Variants in MBD1 observed in about 807,000 individuals in gnomAD.
The protein encoded by MBD1 is methyl-CpG binding domain protein 1.
A neutral mutation model predicts 82.6 loss-of-function variants in MBD1; 25 were observed. The observed-to-expected ratio is 0.30, with a 90% confidence interval of 0.22 to 0.42. The LOEUF is 0.42. Among genes scored for constraint, MBD1 ranks in the 10% least tolerant of loss-of-function variants. MBD1 has a pLI of 1.00. For synonymous variants in MBD1, 301 were observed against 303.7 expected, an observed-to-expected ratio of 0.99 and a Z score of 0.09; for missense variants, 627 against 819.6, an observed-to-expected ratio of 0.76 and a Z score of 2.87.
In MBD1 at chr18:50,269,176, T is replaced by C. The variant is rs943629156; in HGVS notation, c.*675A>G. The stretch of plus-strand genomic sequence containing the variant: ...CACAAAAATAGCCAGGACCAGCAAG[T>C]TTTTTCTGGGTGGGCTTCATAGAAT... On this transcript the variant is annotated 3_prime_UTR_variant, in exon 17 of 17. Transcript: ENST00000269468. 4.8e-6 allele frequency: 5 copies of C among 1,036,546 alleles called. No homozygotes were observed. The highest frequency in any genetic ancestry group is 5.8e-6 in the Non-Finnish European group (5 of 861,022). The allele number at this position is 1,036,546 out of a possible 1,614,324, so 64.2% of individuals were successfully genotyped here. A position where few individuals can be genotyped will look rare whatever the true frequency, so the allele number is the denominator to read the frequency against.
chr18:50,277,544 A>C (rs1033581081), intron 2 of MBD1, among the ~76,000 whole-genome samples: 5 of 144,660 alleles, frequency 3.5e-5, no homozygotes, highest in African/African-American at 1.3e-4. Context: ...AATATAACAT[A>C]TAAATGTTAG....
downstream of MBD1, chr18:50,268,780 G>C (rs893939817): frequency 2.7e-6 from 1 of 371,530 alleles, no homozygotes; most frequent in Admixed American, 6.4e-5. Context: ...CACTATCCCA[G>C]TTTCTCAGAG....
chr18:50,280,080 A>G, intron 1 of MBD1, 63 bp from the exon 2 acceptor site: 1 of 1,492,824 alleles, frequency 6.7e-7, no homozygotes, highest in African/African-American at 1.4e-5. Flanking sequence ...ACTGTGCCCC[A>G]GGCCACACAA....
chr18:50,267,777 T>C (rs975531724), downstream of MBD1: 4 of 708,276 alleles, frequency 5.6e-6, no homozygotes, highest in East Asian at 2.7e-5. Context: ...TGACATATAA[T>C]AAGTACAACT....
chr18:50,276,240 T>C, intron 6 of MBD1, 138 bp downstream of exon 6: 1 of 915,608 alleles, frequency 1.1e-6, no homozygotes, highest in Non-Finnish European at 1.7e-6. Flanking sequence ...CCCATTATTG[T>C]GTCTGCTGAC....
intron 15 of MBD1, chr18:50,272,454 A>G (rs951942941): frequency 6.7e-6 from 4 of 599,006 alleles, no homozygotes; most frequent in Non-Finnish European, 6.0e-6. Flanking sequence ...TCTTTCCCCT[A>G]CCCCCAAAGG....
rs1351413176 is a variant in MBD1, at chr18:50,271,469, C to T, written c.*32G>A. On this transcript the variant is annotated splice_region_variant and 3_prime_UTR_variant, in exon 16 of 17. Transcript: ENST00000269468. ...CATAAAGCCAGTCTGCAAATATCAC[C>T]TTGAATCCTACAGTCTGTAGAAGCC... 6.2e-7 allele frequency: 1 copy of T among 1,614,016 alleles called. No individual in the cohort carries two copies. Among genetic ancestry groups the T allele is most frequent in the Non-Finnish European group, 8.5e-7 (1 of 1,180,032 alleles).
Position 50,275,218 on chromosome 18 carries a change from A to C in MBD1, c.820T>G (p.Cys274Gly). Residue 274 changes from cysteine to glycine, a missense_variant, in exon 9 of 17, where the codon TGT becomes GGT. Physicochemically the swap from Cys to Gly is radical, Grantham distance 159. Transcript: ENST00000269468. ...CGCCTGGCAGCCATCTTGGAGTCAC[A>C]GCCTCCCTTGCGGCGGGCATGTTTA... is the stretch of plus-strand genomic sequence containing the variant. ...RGKHARRKGG[C>G]DSKMAARRRP... is the part of the protein sequence containing the mutation. 1.2e-6 allele frequency: 2 copies of C among 1,614,154 alleles called. No individual in the cohort carries two copies. The highest frequency in any genetic ancestry group is 3.3e-4 in the Middle Eastern group (2 of 6,062).
chr18:50,269,589 C>G lies in MBD1; in HGVS notation c.*262G>C. On this transcript the variant is annotated 3_prime_UTR_variant, in exon 17 of 17. Coordinates refer to ENST00000269468, the MANE Select transcript of MBD1 (RefSeq NM_015846.4). ...GCAGCTGCTCCACCTTCCCCAGGAT[C>G]ATCCTTTCAGCTTCTCTAATTCCTG... The G allele has an allele frequency of 2.8e-6, 2 of 718,912 alleles. No individual in the cohort carries two copies. Among genetic ancestry groups the G allele is most frequent in the Non-Finnish European group, 5.2e-6 (2 of 385,258 alleles). The allele number at this position is 718,912 out of a possible 1,614,324, so 44.5% of individuals were successfully genotyped here.
chr18:50,267,647 G>C (rs959245437), downstream of MBD1: 2 of 1,535,970 alleles, frequency 1.3e-6, no homozygotes, highest in African/African-American at 1.4e-5. Context: ...TTCCAGTCAA[G>C]AGCAAGGTGG....
intron 1 of MBD1, chr18:50,281,040 T>G: frequency 2.2e-6 from 2 of 922,530 alleles, no homozygotes; most frequent in Non-Finnish European, 3.3e-6. Context: ...GGCCCCTCAT[T>G]TCTCCCTCTC....
intron 2 of MBD1, among the ~76,000 whole-genome samples, chr18:50,277,410 T>C (rs1024188848): frequency 6.6e-6 from 1 of 152,058 alleles, no homozygotes; most frequent in Admixed American, 6.6e-5. Context: ...ACAATATAAA[T>C]GTAAACAGAT....
chr18:50,278,500 C>T (rs1373256859), intron 2 of MBD1, among the ~76,000 whole-genome samples: 1 of 152,150 alleles, frequency 6.6e-6, no homozygotes, highest in Non-Finnish European at 1.5e-5. Flanking sequence ...TTGACAACTG[C>T]ACTTTTAAGT....
chr18:50,278,422 T>C (rs895174089), intron 2 of MBD1, among the ~76,000 whole-genome samples: 2 of 152,216 alleles, frequency 1.3e-5, no homozygotes, highest in African/African-American at 4.8e-5. Context: ...CCTACCAGCA[T>C]CTACAAAATT....
At chr18:50,267,812 C>A, downstream of MBD1, 3 of 601,694 alleles carry the variant, frequency 5.0e-6, no homozygotes, top group Admixed American at 4.7e-5. Context: ...CTTAAGGACG[C>A]AATTTACTGT....
At chr18:50,275,361 G>A (rs1200136233) in intron 8 of MBD1, 116 bp from the exon 9 acceptor site, 2 of 1,611,834 alleles carry the variant, frequency 1.2e-6, no homozygotes, top group Admixed American at 1.7e-5. Flanking sequence ...GGTGGCGTGA[G>A]GCACTCACAG....
chr18:50,271,638 C>T, intron 15 of MBD1, 98 bp from the exon 16 acceptor site: 7 of 1,249,872 alleles, frequency 5.6e-6, no homozygotes, highest in Non-Finnish European at 8.2e-6. Context: ...GTCCTCCATC[C>T]ACTTCCCCTT....
At chr18:50,267,369 T>C (rs981777488), downstream of MBD1, 11 of 510,296 alleles carry the variant, frequency 2.2e-5, no homozygotes, top group Non-Finnish European at 3.5e-5. Context: ...TTAAAACCTG[T>C]TAATAAAATC....
chr18:50,273,345 A>G lies in MBD1; in HGVS notation c.1573T>C (p.Cys525Arg). The G allele has an allele frequency of 6.2e-7, 1 of 1,614,148 alleles. No individual in the cohort carries two copies. The highest frequency in any genetic ancestry group is 8.5e-7 in the Non-Finnish European group (1 of 1,180,036). Residue 525 changes from cysteine to arginine, a missense_variant, in exon 13 of 17, where the codon TGC (cysteine) becomes CGC (arginine). By Grantham distance (180) the Cys-to-Arg change is radical. Transcript: ENST00000269468. The part of the protein sequence containing the change: ...VLTSPVLVPG[C>R]PSKAVDPGLP... ...ATCACTGCCCCCACCTTGCTAGGGC[A>G]GCCAGGCACCAATACGGGAGAAGTC... is the stretch of plus-strand genomic sequence containing the variant.
Sources: allele counts gnomAD v4.1 joint callset (sites outside exome capture counted in the v4.1 genomes callset), GRCh38; gene constraint gnomAD v4.1.1; transcripts MANE v1.5; gene names NCBI Gene and HGNC (gene_info 2026-07-23, HGNC 2026-07-21).